The following CAPN10 variants were observed in gnomAD, a reference collection of about 807,000 sequenced individuals.
CAPN10 encodes the protein calpain-10.
Under a neutral mutation model 78.4 loss-of-function variants are expected in CAPN10, and 71 were observed. That is an observed-to-expected ratio of 0.91 (90% CI 0.75 to 1.10). The LOEUF is 1.10. Ranked by LOEUF, CAPN10 falls within the 50% of genes least tolerant of loss-of-function variation. The probability of loss-of-function intolerance (pLI) is 0.00; values close to 1 mark genes in which losing one functional copy is unlikely to be tolerated. For synonymous variants in CAPN10, 437 were observed against 407.2 expected (o/e 1.07, Z -0.88); for missense variants, 849 against 924.6 (o/e 0.92, Z 1.06).
chr2:240,587,234 A>G (rs544819217), intron 1 of CAPN10, among the ~76,000 whole-genome samples, 182 bp downstream of exon 1: 1 of 152,276 alleles, frequency 6.6e-6, no homozygotes, highest in East Asian at 1.9e-4. Flanking sequence ...GCCCAGAACG[A>G]GCAGGACTCG....
At position 240,596,697 on chromosome 2, in the gene CAPN10, G is replaced by C. The variant is rs201527381; in HGVS notation, c.1498G>C (p.Ala500Pro). Residue 500 changes from alanine (A) to proline (P), a missense_variant, in exon 9 of 12, where the codon GCC (alanine) becomes CCC (proline). Ala to Pro is a conservative substitution (Grantham distance 27). Transcript: ENST00000391984. ...TCTTGGCAGCGCCATCAGGGCAGTG[G>C]CCAAGAACACCACCCCCGGGGCAGC... ...RVSLSAIRAVAKNTTPGAALP... is the reference protein window; with the variant it reads ...RVSLSAIRAVPKNTTPGAALP... The C allele has an allele frequency of 3.1e-4, 476 of 1,557,624 alleles. No individual in the cohort carries two copies. The highest frequency in any genetic ancestry group is 9.2e-4 in the Admixed American group (50 of 54,290).
chr2:240,593,190 G>T (rs2093113781), intron 4 of CAPN10, among the ~76,000 whole-genome samples: 3 of 152,216 alleles, frequency 2.0e-5, no homozygotes, highest in Admixed American at 2.0e-4. Flanking sequence ...TCCAGGGTGG[G>T]GTAGCGCTAA....
intron 9 of CAPN10, 112 bp downstream of exon 9, chr2:240,597,054 C>T: frequency 7.4e-7 from 1 of 1,357,856 alleles, no homozygotes; most frequent in Admixed American, 1.9e-5. Context: ...CTTGGGCTCC[C>T]CCTGCCCTTC....
In CAPN10 at chr2:240,593,916, G is replaced by A. The variant is rs2125461922; in HGVS notation, c.699G>A (p.Glu233=). Residue 233 remains glutamate (E), a synonymous_variant, in exon 5 of 12, where the codon GAG becomes GAA. Coordinates refer to ENST00000391984, the MANE Select transcript of CAPN10 (RefSeq NM_023083.4). The stretch of plus-strand genomic sequence containing the variant: ...CCATTCCTCATGCAGGTGCCCGGGA[G>A]CTGGGGGAGTTCCATGCCTTCATTG... The part of the protein sequence containing the change: ...CVLSPRAGAR[E]LGEFHAFIVS... 1 of 1,599,706 alleles carries A rather than the reference G, an allele frequency of 6.3e-7. No individual in the cohort carries two copies. The highest frequency in any genetic ancestry group is 8.5e-7 in the Non-Finnish European group (1 of 1,169,986).
Position 240,596,831 on chromosome 2 carries a change from C to T in CAPN10, c.1632C>T (p.Phe544=). The part of the protein sequence containing the change: ...NFASYPTNPC[F]PFSVPEGPGP... Reference sequence around the variant, plus strand: ...CCTCATACCCCACCAACCCCTGCTTCCCCTTCTCGGTCCCCGAGGGCCCTG... The same window carrying T: ...CCTCATACCCCACCAACCCCTGCTTTCCCTTCTCGGTCCCCGAGGGCCCTG... The change falls in exon 9 of 12, where the codon TTC becomes TTT. Residue 544 remains phenylalanine (F), a synonymous_variant. Coordinates refer to ENST00000391984, the MANE Select transcript of CAPN10 (RefSeq NM_023083.4). 6.2e-7 allele frequency: 1 copy of T among 1,613,536 alleles called. No individual in the cohort carries two copies. Among genetic ancestry groups the T allele is most frequent in the Non-Finnish European group, 8.5e-7 (1 of 1,180,018 alleles).
intron 7 of CAPN10, 87 bp from the exon 8 acceptor site, chr2:240,596,232 G>T: frequency 6.7e-7 from 1 of 1,494,322 alleles, no homozygotes; most frequent in East Asian, 2.4e-5. Flanking sequence ...AACTCCAGAG[G>T]CCCTTGTGCT....
In CAPN10 at chr2:240,587,032, A is replaced by G. The variant is rs1310742612; in HGVS notation, c.121A>G (p.Ile41Val). The change falls in exon 1 of 12, where the codon ATC becomes GTC. Residue 41 changes from isoleucine to valine, a missense_variant. Ile to Val is a conservative substitution (Grantham distance 29). Transcript: ENST00000391984. ...STPLAQFRED[I>V]TWRRPQEICA... is the part of the protein sequence containing the mutation. ...GCCGCTGGCCCAGTTCCGCGAGGAC[A>G]TCACGTGGAGGCGGCCCCAGGTGGG... 7 of 1,452,488 alleles carry G rather than the reference A, an allele frequency of 4.8e-6. No homozygotes were observed. Among genetic ancestry groups the G allele is most frequent in the African/African-American group, 1.5e-5 (1 of 67,864 alleles). The allele number at this position is 1,452,488 out of a possible 1,614,324, so 90.0% of individuals were successfully genotyped here. A position where few individuals can be genotyped will look rare whatever the true frequency, so the allele number is the denominator to read the frequency against.
At chr2:240,587,223 C>T (rs955620683) in intron 1 of CAPN10, among the ~76,000 whole-genome samples, 171 bp downstream of exon 1, 2 of 152,256 alleles carry the variant, frequency 1.3e-5, no homozygotes, top group African/African-American at 2.4e-5. Context: ...TTCATACCCC[C>T]GCCCAGAACG....
rs371934367 is a variant in CAPN10 at position 240,595,093 on chromosome 2, G to A, written c.1067G>A (p.Arg356Gln). The A allele has an allele frequency of 1.7e-5, 28 of 1,613,698 alleles. No homozygotes were observed. Among genetic ancestry groups the A allele is most frequent in the South Asian group, 5.5e-5 (5 of 91,094 alleles). The change falls in exon 7 of 12, where the codon CGG becomes CAG. Residue 356 changes from arginine (R) to glutamine (Q), a missense_variant. Arg to Gln is a conservative substitution (Grantham distance 43, BLOSUM62 1). Transcript: ENST00000391984. ...WVKGQSAGGCRNNSGFPSNPK... is the reference protein window; with the variant it reads ...WVKGQSAGGCQNNSGFPSNPK... ...AAGGGCCAGTCAGCAGGAGGCTGCCGGAACAACAGCGGCTTTCCCAGCAAC... is the reference window on the plus strand; with the variant it reads ...AAGGGCCAGTCAGCAGGAGGCTGCCAGAACAACAGCGGCTTTCCCAGCAAC...
At chr2:240,589,596 T>C (rs774660762) in intron 2 of CAPN10, 122 bp downstream of exon 2, 1 of 1,260,258 alleles carries the variant, frequency 7.9e-7, no homozygotes, top group Non-Finnish European at 1.1e-6. Flanking sequence ...TCCTGCTGTG[T>C]TGGGGGAAGG....
chr2:240,594,999 C>T (rs765287850), intron 6 of CAPN10, 25 bp from the exon 7 acceptor site: 1 of 1,610,658 alleles, frequency 6.2e-7, no homozygotes, highest in Non-Finnish European at 8.5e-7. Flanking sequence ...TGTCCCACAG[C>T]TGATGCCTGG....
In CAPN10 at chr2:240,596,920, C is replaced by T. The variant is rs1484326383; in HGVS notation, c.1721C>T (p.Pro574Leu). The change falls in exon 9 of 12, where the codon CCC becomes CTC. Residue 574 changes from proline (P) to leucine (L), a missense_variant. Pro to Leu is a moderately conservative substitution (Grantham distance 98). Coordinates refer to ENST00000391984, the MANE Select transcript of CAPN10 (RefSeq NM_023083.4). ...CGGCCCAGTGACACCGAGTTCCACC[C>T]CATCGGCTTCCATATCTTCCAGGCA... ...HCRPSDTEFH[P>L]IGFHIFQVPE... is the part of the protein sequence containing the mutation. 1 of 1,613,460 alleles carries T rather than the reference C, an allele frequency of 6.2e-7. No individual in the cohort carries two copies. Among genetic ancestry groups the T allele is most frequent in the East Asian group, 2.2e-5 (1 of 44,902 alleles).
chr2:240,592,300 T>A, intron 4 of CAPN10, 150 bp downstream of exon 4: 1 of 750,936 alleles, frequency 1.3e-6, no homozygotes. Flanking sequence ...GGTGGTGTCC[T>A]CAGTTTGTGA....
intron 3 of CAPN10, 110 bp downstream of exon 3, chr2:240,591,121 A>G (rs2093099342): frequency 2.1e-6 from 2 of 952,338 alleles, no homozygotes; most frequent in Non-Finnish European, 3.1e-6. Context: ...AGCCCCCTTC[A>G]GTTCTGAGGG....
chr2:240,592,659 G>GA (rs76573435), intron 4 of CAPN10: 17,542 of 363,204 alleles, frequency 0.048, 1,472 homozygotes, highest in East Asian at 0.22. Flanking sequence ...AAAAATGAAG[G>GA]AAAAAAATCA....
chr2:240,589,731 C>T lies in CAPN10; in HGVS notation c.273+257C>T, dbSNP rs3792263. 1.4e-4 allele frequency: 62 copies of T among 452,094 alleles called. No homozygotes were observed. The East Asian group carries it at 1.8e-3, about 13-fold the overall frequency. The allele number at this position is 452,094 out of a possible 1,614,324, so 28.0% of individuals were successfully genotyped here. A position where few individuals can be genotyped will look rare whatever the true frequency, so the allele number is the denominator to read the frequency against. ...CCCTGCTCTGTGCTCTCCTGACCCCCGGACTCCATGGAGTCAGATCACCAC... is the reference window on the plus strand; with the variant it reads ...CCCTGCTCTGTGCTCTCCTGACCCCTGGACTCCATGGAGTCAGATCACCAC... On this transcript the variant is annotated intron_variant, in intron 2 of 11. Coordinates refer to ENST00000391984, the MANE Select transcript of CAPN10 (RefSeq NM_023083.4).
At chr2:240,588,162 G>T (rs2093079964) in intron 1 of CAPN10, among the ~76,000 whole-genome samples, 1 of 152,180 alleles carries the variant, frequency 6.6e-6, no homozygotes, top group Non-Finnish European at 1.5e-5. Flanking sequence ...CTGGGACAGA[G>T]CCTGGGGGTG....
At position 240,587,006 on chromosome 2, in the gene CAPN10, C is replaced by G. The variant is rs557342363; in HGVS notation, c.95C>G (p.Thr32Arg). ...TCCTCGCTCTTCTGCGACTTGTCTA[C>G]GCCGCTGGCCCAGTTCCGCGAGGAC... The part of the protein sequence containing the change: ...ADSSLFCDLS[T>R]PLAQFREDIT... The change falls in exon 1 of 12, where the codon ACG (threonine) becomes AGG (arginine). Residue 32 changes from threonine (T) to arginine (R), a missense_variant. By Grantham distance (71) the Thr-to-Arg change is moderately conservative. Coordinates refer to ENST00000391984, the MANE Select transcript of CAPN10 (RefSeq NM_023083.4). The G allele has an allele frequency of 7.4e-6, 11 of 1,481,732 alleles. No homozygotes were observed. Among genetic ancestry groups the G allele is most frequent in the Non-Finnish European group, 9.9e-6 (11 of 1,114,374 alleles). The allele number at this position is 1,481,732 out of a possible 1,614,324, so 91.8% of individuals were successfully genotyped here.
In CAPN10 at chr2:240,596,329, G is replaced by C; in HGVS notation, c.1289G>C (p.Arg430Pro). 1 of 1,598,896 alleles carries C rather than the reference G, an allele frequency of 6.3e-7. No individual in the cohort carries two copies. Among genetic ancestry groups the C allele is most frequent in the Non-Finnish European group, 8.6e-7 (1 of 1,168,862 alleles). ...VGLHLWKVEK[R>P]RVNLPRVLSM... is the part of the protein sequence containing the mutation. Reference sequence around the variant, plus strand: ...TGCACGTGCTCACAGGTAGAGAAGCGGCGGGTCAATCTGCCTAGGGTCCTG... The same window carrying C: ...TGCACGTGCTCACAGGTAGAGAAGCCGCGGGTCAATCTGCCTAGGGTCCTG... The change falls in exon 8 of 12, where the codon CGG becomes CCG. Residue 430 changes from arginine (R) to proline (P), a missense_variant. Transcript: ENST00000391984.
Sources: gnomAD v4.1 joint callset for allele counts (sites outside exome capture counted in the v4.1 genomes callset) on GRCh38, gnomAD v4.1.1 for gene constraint, MANE v1.5 for transcripts, NCBI Gene and HGNC (gene_info 2026-07-23, HGNC 2026-07-21) for gene names.